The following IL3RA variants were observed in gnomAD, a reference collection of about 807,000 sequenced individuals.
IL3RA encodes interleukin-3 receptor subunit alpha.
Under a neutral mutation model 52.3 loss-of-function variants are expected in IL3RA, and 73 were observed. That is an observed-to-expected ratio of 1.40 (90% CI 1.16 to 1.70). The LOEUF (loss-of-function observed/expected upper bound fraction) is 1.70, where lower values mean the gene tolerates loss of function less well. Among genes scored for constraint, IL3RA ranks in the 40% most tolerant of loss-of-function variants. The pLI is 0.00. For synonymous variants in IL3RA, 260 were observed against 194.0 expected (o/e 1.34, Z -2.83); for missense variants, 664 against 504.4 (o/e 1.32, Z -3.03).
chrX:1,351,384 A>G (rs2086075315), intron 4 of IL3RA, among the ~76,000 whole-genome samples: 1 of 151,900 alleles, frequency 6.6e-6, no homozygotes, highest in Non-Finnish European at 1.5e-5. Flanking sequence ...GCTGGAGTGC[A>G]GTGACGTGGC....
chrX:1,379,775 T>G (rs1250980279), intron 10 of IL3RA, among the ~76,000 whole-genome samples: 1 of 152,172 alleles, frequency 6.6e-6, no homozygotes, highest in African/African-American at 2.4e-5. Flanking sequence ...TCCTTTTTTT[T>G]AGAGAAGGAG....
At chrX:1,362,284 C>T (rs2087487469) in intron 8 of IL3RA, among the ~76,000 whole-genome samples, 1 of 146,868 alleles carries the variant, frequency 6.8e-6, no homozygotes, top group South Asian at 2.1e-4. Flanking sequence ...TTCTCTTTCC[C>T]TCTCTGTCTC....
intron 10 of IL3RA, among the ~76,000 whole-genome samples, chrX:1,380,680 G>T (rs181682846): frequency 1.7e-5 from 2 of 114,822 alleles, no homozygotes; most frequent in African/African-American, 6.7e-5. Flanking sequence ...AGGGGTGGAG[G>T]AGGGAGGAAA....
chrX:1,359,629 CCT>C, intron 8 of IL3RA, among the ~76,000 whole-genome samples: 1 of 146,812 alleles, frequency 6.8e-6, no homozygotes, highest in African/African-American at 2.6e-5. Flanking sequence ...ATTCTCCTTC[CCT>C]CTCTCTATCT....
intron 2 of IL3RA, among the ~76,000 whole-genome samples, chrX:1,343,596 G>C (rs1426434713): frequency 6.7e-6 from 1 of 149,222 alleles, no homozygotes; most frequent in Non-Finnish European, 1.5e-5. Flanking sequence ...GAACCCGGGA[G>C]GCGGAGGTTG....
intron 7 of IL3RA, 33 bp from the exon 8 acceptor site, chrX:1,358,828 A>C: frequency 6.2e-7 from 1 of 1,612,922 alleles, no homozygotes; most frequent in Non-Finnish European, 8.5e-7. Context: ...GACGGTCCAG[A>C]CACTCAAAAG....
chrX:1,362,105 C>T (rs1186182000), intron 8 of IL3RA, among the ~76,000 whole-genome samples: 2 of 151,120 alleles, frequency 1.3e-5, no homozygotes, highest in African/African-American at 4.9e-5. Context: ...TGTCCATCAC[C>T]CACTCTGTCT....
chrX:1,380,934 T>C, intron 10 of IL3RA, 89 bp from the exon 11 acceptor site: 3 of 1,125,444 alleles, frequency 2.7e-6, no homozygotes, highest in Admixed American at 3.5e-5. Context: ...TGCTCTGTCC[T>C]GGCACTGTCT....
At chrX:1,380,171 G>C (rs1271970809) in intron 10 of IL3RA, among the ~76,000 whole-genome samples, 1 of 151,466 alleles carries the variant, frequency 6.6e-6, no homozygotes, top group East Asian at 2.0e-4. Context: ...TGGGATGACA[G>C]GCGTGTGCCA....
At chrX:1,341,644 C>G in intron 1 of IL3RA, 84 bp from the exon 2 acceptor site, 1 of 1,017,590 alleles carries the variant, frequency 9.8e-7, no homozygotes, top group East Asian at 2.4e-5. Context: ...GAGCACCAGG[C>G]TCTGGAAGGG....
At chrX:1,377,908 C>CG (rs1344997368) in intron 9 of IL3RA, among the ~76,000 whole-genome samples, 2 of 150,158 alleles carry the variant, frequency 1.3e-5, no homozygotes, top group Non-Finnish European at 3.0e-5. Flanking sequence ...AAAAATAGGC[C>CG]GGGTGCGTGG....
At chrX:1,378,275 C>T (rs1264774429) in intron 9 of IL3RA, among the ~76,000 whole-genome samples, 1 of 152,166 alleles carries the variant, frequency 6.6e-6, no homozygotes, top group Non-Finnish European at 1.5e-5. Flanking sequence ...AGCACGCACG[C>T]CAGTGCTGCC....
intron 4 of IL3RA, among the ~76,000 whole-genome samples, chrX:1,348,810 TTCCC>T (rs1341119604): frequency 4.1e-5 from 6 of 144,692 alleles, no homozygotes; most frequent in Non-Finnish European, 6.1e-5. Context: ...CTTCACTTCC[TTCCC>T]TCCCTCCTTC....
chrX:1,367,665 C>T, intron 9 of IL3RA, among the ~76,000 whole-genome samples: 1 of 38,664 alleles, frequency 2.6e-5, no homozygotes, highest in East Asian at 7.2e-4. Context: ...CGGGGTGAGC[C>T]GGGTGCGCGG....
intron 2 of IL3RA, among the ~76,000 whole-genome samples, chrX:1,342,093 C>T (rs1176357904): frequency 6.6e-6 from 1 of 152,114 alleles, no homozygotes; most frequent in Non-Finnish European, 1.5e-5. Flanking sequence ...TTTGATGAAA[C>T]TCACACGCTG....
In IL3RA at chrX:1,352,247, G is replaced by A; in HGVS notation, c.431+15G>A. On this transcript the variant is annotated intron_variant, in intron 5 of 11. Transcript: ENST00000331035. ...AACGTTGCCAAGTAGGTGTGCCCGTGGGCAGAGGCCGGGCTGTCCCTGGTG... is the reference window on the plus strand; with the variant it reads ...AACGTTGCCAAGTAGGTGTGCCCGTAGGCAGAGGCCGGGCTGTCCCTGGTG... 1.2e-6 allele frequency: 2 copies of A among 1,613,416 alleles called. No individual in the cohort carries two copies. Among genetic ancestry groups the A allele is most frequent in the South Asian group, 2.2e-5 (2 of 91,068 alleles).
Position 1,360,968 on chromosome X carries a change from CCTCT to C in IL3RA, c.759+2084_759+2087del, listed in dbSNP as rs1329684484. Among the ~76,000 whole-genome samples, 19 of 92,118 alleles carry C rather than the reference CCTCT, an allele frequency of 2.1e-4. 1 individual carries two copies. Among genetic ancestry groups the C allele is most frequent in the African/African-American group, 5.0e-4 (8 of 15,958 alleles). 60.4% of individuals were successfully genotyped at this position (92,118 alleles called of 152,430 possible). On this transcript the variant is annotated intron_variant, in intron 8 of 11. Transcript: ENST00000331035. ...TCCCCTCTGTCTCTCTCTCCCTTCCCCTCTCTGTCTCTCTCTCCCTTCCCCTCTC... is the reference window on the plus strand; with the variant it reads ...TCCCCTCTGTCTCTCTCTCCCTTCCCCTGTCTCTCTCTCCCTTCCCCTCTC...
intron 4 of IL3RA, 104 bp downstream of exon 4, chrX:1,348,649 T>TC: frequency 5.6e-6 from 2 of 358,858 alleles, no homozygotes; most frequent in East Asian, 4.6e-5. Context: ...TTTTTCTCTT[T>TC]CTTTCTTTCT....
chrX:1,378,532 T>TC (rs1307343872), intron 9 of IL3RA, 127 bp from the exon 10 acceptor site: 14 of 756,580 alleles, frequency 1.9e-5, no homozygotes, highest in Non-Finnish European at 2.9e-5. Context: ...TACTGGGGTG[T>TC]CCCCCCCTGG....
Sources: allele counts gnomAD v4.1 joint callset (sites outside exome capture counted in the v4.1 genomes callset), GRCh38; gene constraint gnomAD v4.1.1; transcripts MANE v1.5; gene names NCBI Gene and HGNC (gene_info 2026-07-23, HGNC 2026-07-21).